Variants in FCGR2B observed in about 807,000 individuals in gnomAD.
FCGR2B encodes Fc gamma receptor IIb.
Under a neutral mutation model 24.8 loss-of-function variants are expected in FCGR2B, and 18 were observed. The observed-to-expected ratio is 0.73, with a 90% CI of 0.50 to 1.08. The LOEUF (loss-of-function observed/expected upper bound fraction) is 1.08, where lower values mean the gene tolerates loss of function less well. Ranked by LOEUF, FCGR2B falls within the 50% of genes least tolerant of loss-of-function variation. The pLI is 0.00. For synonymous variants in FCGR2B, 79 were observed against 109.8 expected (o/e 0.72, Z 1.75); for missense variants, 215 against 297.6 (o/e 0.72, Z 2.04).
In FCGR2B at chr1:161,673,244, C is replaced by T. The variant is rs774198931; in HGVS notation, c.646+15C>T. The T allele has an allele frequency of 7.7e-6, 12 of 1,564,832 alleles. No homozygotes were observed. Among genetic ancestry groups the T allele is most frequent in the Non-Finnish European group, 1.0e-5 (12 of 1,151,990 alleles). On this transcript the variant is annotated intron_variant, in intron 4 of 7. Coordinates refer to ENST00000358671, the MANE Select transcript of FCGR2B (RefSeq NM_001394477.1). ...CACTGTCCAAGGTATGCGGAGTCTGCCAAGATGTAAGGAGGGGAGAAGAGG... is the reference window on the plus strand; with the variant it reads ...CACTGTCCAAGGTATGCGGAGTCTGTCAAGATGTAAGGAGGGGAGAAGAGG...
intron 5 of FCGR2B, 134 bp from the exon 6 acceptor site, chr1:161,675,123 G>C (rs1017192299): frequency 1.4e-5 from 9 of 622,750 alleles, no homozygotes; most frequent in Non-Finnish European, 2.5e-5. Flanking sequence ...AGGGGAGCTG[G>C]GGGTGGGAGG....
At chr1:161,649,054 T>A in the FCGR2B span, among the ~76,000 whole-genome samples, 2 of 150,964 alleles carry the variant, frequency 1.3e-5, no homozygotes, top group African/African-American at 4.9e-5. Flanking sequence ...AACAAGTTAA[T>A]AATGCATTCT....
chr1:161,661,246 GAAA>G (rs1557895205), upstream of FCGR2B, among the ~76,000 whole-genome samples: 965 of 64,796 alleles, frequency 0.015, 118 homozygotes, highest in African/African-American at 0.038. Flanking sequence ...AAGAAAGAAA[GAAA>G]GAAAGAAAGA....
intron 6 of FCGR2B, 162 bp downstream of exon 6, chr1:161,675,475 A>G: frequency 1.9e-6 from 1 of 519,360 alleles, no homozygotes; most frequent in Admixed American, 4.0e-5. Flanking sequence ...CTCTTAGTCT[A>G]ACTCCTGGGC....
At chr1:161,659,238 CA>C (rs1397556551), upstream of FCGR2B, among the ~76,000 whole-genome samples, 1 of 47,032 alleles carries the variant, frequency 2.1e-5, no homozygotes, top group Non-Finnish European at 4.3e-5. Context: ...CCAGCCTGGC[CA>C]ACATGGTGAA....
intron 4 of FCGR2B, 34 bp downstream of exon 4, chr1:161,673,263 G>A (rs766537983): frequency 1.1e-5 from 17 of 1,578,290 alleles, no homozygotes; most frequent in Non-Finnish European, 1.5e-5. Flanking sequence ...AAGGAGGGGA[G>A]AAGAGGGGAT....
intron 7 of FCGR2B, 28 bp from the exon 8 acceptor site, chr1:161,677,448 C>G (rs1462878690): frequency 6.2e-7 from 1 of 1,610,944 alleles, no homozygotes. Flanking sequence ...CTCTGTGGAT[C>G]CTTACTGCTG....
chr1:161,661,189 G>GAAA (rs1379372404), upstream of FCGR2B, among the ~76,000 whole-genome samples: 2 of 70,622 alleles, frequency 2.8e-5, no homozygotes, highest in African/African-American at 1.5e-4. Context: ...AAGGAAGAAA[G>GAAA]GAAAGAAAGA....
chr1:161,678,630 A>G lies in FCGR2B; in HGVS notation c.*1077A>G, dbSNP rs867602024. 5.0e-6 allele frequency: 1 copy of G among 200,960 alleles called. No homozygotes were observed. The highest frequency in any genetic ancestry group is 1.0e-5 in the Non-Finnish European group (1 of 97,572). 12.4% of individuals were successfully genotyped at this position (200,960 alleles called of 1,614,324 possible). A position where few individuals can be genotyped will look rare whatever the true frequency, so the allele number is the denominator to read the frequency against. The stretch of plus-strand genomic sequence containing the variant: ...TCTTCTTCTCTTTCCTCCTATGGCA[A>G]ATAAAACACTGTTTTGCAACACAAG... On this transcript the variant is annotated 3_prime_UTR_variant, in exon 8 of 8. Coordinates refer to ENST00000358671, the MANE Select transcript of FCGR2B (RefSeq NM_001394477.1).
the FCGR2B span, among the ~76,000 whole-genome samples, chr1:161,650,123 T>C: frequency 6.7e-5 from 10 of 149,822 alleles, no homozygotes; most frequent in South Asian, 2.1e-3. Context: ...TTCTCCTGCT[T>C]CAGCCTCCTG....
At chr1:161,654,559 C>A in the FCGR2B span, among the ~76,000 whole-genome samples, 2 of 133,898 alleles carry the variant, frequency 1.5e-5, no homozygotes, top group Non-Finnish European at 3.5e-5. Flanking sequence ...TGGCCACAAG[C>A]TTTTCATGAG....
rs1681651959 is a variant in FCGR2B at position 161,671,468 on chromosome 1, A to G, written c.210A>G (p.Thr70=). 3 of 1,614,092 alleles carry G rather than the reference A, an allele frequency of 1.9e-6. No homozygotes were observed. In the African/African-American group the frequency reaches 4.0e-5, roughly 22 times the overall value. ...NVLQEDSVTL[T]CRGTHSPESD... is the part of the protein sequence containing the mutation. ...TCCAGGAGGACTCTGTGACTCTGAC[A>G]TGCCGGGGGACTCACAGCCCTGAGA... Residue 70 remains threonine, a synonymous_variant, in exon 3 of 8, where the codon ACA becomes ACG. Coordinates refer to ENST00000358671, the MANE Select transcript of FCGR2B (RefSeq NM_001394477.1).
At chr1:161,675,778 G>A in intron 6 of FCGR2B, 2 of 235,420 alleles carry the variant, frequency 8.5e-6, no homozygotes, top group Non-Finnish European at 1.7e-5. Flanking sequence ...ATGGGGTGGA[G>A]TGGCCAGGCT....
the FCGR2B span, among the ~76,000 whole-genome samples, chr1:161,650,007 G>C: frequency 6.6e-6 from 1 of 150,522 alleles, no homozygotes; most frequent in Non-Finnish European, 1.5e-5. Context: ...AAAAATATGC[G>C]TATGTGTGTT....
rs1682294092 is a variant in FCGR2B at position 161,678,135 on chromosome 1, G to A, written c.*582G>A. 9.0e-6 allele frequency: 2 copies of A among 221,866 alleles called. No individual in the cohort carries two copies. The highest frequency in any genetic ancestry group is 1.8e-5 in the Non-Finnish European group (2 of 110,976). 13.7% of individuals were successfully genotyped at this position (221,866 alleles called of 1,614,324 possible). Reference sequence around the variant, plus strand: ...GGGGTCTGTTTCTCTTCAGTGATGAGACTCTTAGGAAGGCAGGAATGGATA... The same window carrying A: ...GGGGTCTGTTTCTCTTCAGTGATGAAACTCTTAGGAAGGCAGGAATGGATA... On this transcript the variant is annotated 3_prime_UTR_variant, in exon 8 of 8. Transcript: ENST00000358671.
the FCGR2B span, among the ~76,000 whole-genome samples, chr1:161,655,843 TTTTA>T: frequency 0.065 from 3,512 of 54,276 alleles, 79 homozygotes; most frequent in Middle Eastern, 0.14. Flanking sequence ...TTTCCTCAAT[TTTTA>T]TTTATTTATT....
chr1:161,671,781 T>C, intron 3 of FCGR2B, 132 bp downstream of exon 3: 1 of 1,502,926 alleles, frequency 6.7e-7, no homozygotes, highest in Non-Finnish European at 9.0e-7. Flanking sequence ...CCTCAGCACA[T>C]ATCAGTGGTT....
At chr1:161,652,045 A>AGTGTGTGTGTGT in the FCGR2B span, among the ~76,000 whole-genome samples, 129 of 104,634 alleles carry the variant, frequency 1.2e-3, 1 homozygote, top group Middle Eastern at 4.5e-3. Context: ...TATGTTTAGG[A>AGTGTGTGTGTGT]GTGTGTGTGT....
the FCGR2B span, among the ~76,000 whole-genome samples, chr1:161,650,456 T>G: frequency 6.9e-5 from 10 of 144,802 alleles, no homozygotes; most frequent in South Asian, 2.0e-3. Flanking sequence ...AGGCTCTCAT[T>G]CTCAGCATTA....
Sources: allele counts gnomAD v4.1 joint callset (sites outside exome capture counted in the v4.1 genomes callset), GRCh38; gene constraint gnomAD v4.1.1; transcripts MANE v1.5; gene names NCBI Gene and HGNC (gene_info 2026-07-23, HGNC 2026-07-21).